Variants in MMD2 observed in about 807,000 individuals in gnomAD.
MMD2 encodes monocyte to macrophage differentiation factor 2.
In MMD2, 30 loss-of-function variants were observed where a neutral mutation model predicts 33.5. The observed-to-expected ratio is 0.90, with a 90% CI of 0.67 to 1.22. The LOEUF (loss-of-function observed/expected upper bound fraction) is 1.22. Among genes scored for constraint, MMD2 ranks in the 50% most tolerant of loss-of-function variants. The pLI, the probability that MMD2 is intolerant of heterozygous loss-of-function variation, is 0.00. For synonymous variants in MMD2, 129 were observed against 123.0 expected, an observed-to-expected ratio of 1.05 and a Z score of -0.32; for missense variants, 364 against 325.4, an observed-to-expected ratio of 1.12 and a Z score of -0.91.
intron 2 of MMD2, among the ~76,000 whole-genome samples, chr7:4,925,088 G>A (rs1785387853): frequency 6.6e-6 from 1 of 152,028 alleles, no homozygotes; most frequent in Non-Finnish European, 1.5e-5. Flanking sequence ...CCGCCACCAT[G>A]CCCAGCTAAT....
chr7:4,956,918 C>T (rs79755186), intron 1 of MMD2, among the ~76,000 whole-genome samples: 1 of 152,070 alleles, frequency 6.6e-6, no homozygotes, highest in African/African-American at 2.4e-5. Context: ...TCCAAGTGCC[C>T]ACTTTGGGAG....
rs373274320 is a variant in MMD2, at chr7:4,910,883, G to T, written c.467+262C>A. Among the ~76,000 whole-genome samples, 5 of 152,248 alleles carry T rather than the reference G, an allele frequency of 3.3e-5. No individual in the cohort carries two copies. In the South Asian group the frequency reaches 8.3e-4, roughly 25 times the overall value. ...ACCTCAAGTGATCTGCCTGCCTCGT[G>T]GATCACTCGGCCTCCCAAAGTGCTG... On this transcript the variant is annotated intron_variant, in intron 5 of 6. Transcript: ENST00000401401.
At chr7:4,922,709 G>T (rs1266024802) in intron 2 of MMD2, among the ~76,000 whole-genome samples, 4 of 151,948 alleles carry the variant, frequency 2.6e-5, no homozygotes, top group African/African-American at 9.7e-5. Context: ...TGAGTAGCTG[G>T]GACCACAGAC....
intron 2 of MMD2, among the ~76,000 whole-genome samples, chr7:4,921,941 C>G (rs1236653068): frequency 2.6e-5 from 4 of 151,578 alleles, no homozygotes; most frequent in Non-Finnish European, 5.9e-5. Context: ...AAAATCATTT[C>G]TGGCCGGGTG....
At chr7:4,948,989 C>T (rs1476119554) in intron 1 of MMD2, among the ~76,000 whole-genome samples, 1 of 151,988 alleles carries the variant, frequency 6.6e-6, no homozygotes, top group African/African-American at 2.4e-5. Context: ...TTTTTGTATT[C>T]TTTTGTACAA....
In MMD2 at chr7:4,910,028, G is replaced by A. The variant is rs1210377364; in HGVS notation, c.468-78C>T. ...ACTGCACACAGCTCCCTGTTCTTGG[G>A]GAAGAGGGAACACTCTGGCCAGAAC... On this transcript the variant is annotated intron_variant, in intron 5 of 6. Coordinates refer to ENST00000401401, the MANE Select transcript of MMD2 (RefSeq NM_198403.4). 9 of 1,613,760 alleles carry A rather than the reference G, an allele frequency of 5.6e-6. No individual in the cohort carries two copies. In the Admixed American group the frequency reaches 1.5e-4, roughly 27 times the overall value.
At position 4,940,367 on chromosome 7, in the gene MMD2, C is replaced by T. The variant is rs1324769243; in HGVS notation, c.48-14835G>A. Among the ~76,000 whole-genome samples, 1 of 152,206 alleles carries T rather than the reference C, an allele frequency of 6.6e-6. No individual in the cohort carries two copies. The highest frequency in any genetic ancestry group is 1.5e-5 in the Non-Finnish European group (1 of 68,030). ...GCCTGACCCCTTTCATGAATGAGCCCGGGCCCCGGAACGCGGCTGCAGCCA... is the reference window on the plus strand; with the variant it reads ...GCCTGACCCCTTTCATGAATGAGCCTGGGCCCCGGAACGCGGCTGCAGCCA... On this transcript the variant is annotated intron_variant, in intron 1 of 6. Transcript: ENST00000401401. The surrounding 1 kb of genome is among the most constrained non-coding windows in gnomAD (Gnocchi z 5.0).
At chr7:4,919,561 C>T (rs189750594) in intron 3 of MMD2, among the ~76,000 whole-genome samples, 2 of 151,988 alleles carry the variant, frequency 1.3e-5, no homozygotes, top group Non-Finnish European at 2.9e-5. Flanking sequence ...GATTGAGACT[C>T]TTTCTCAAAA....
chr7:4,938,099 C>T (rs575999413), intron 1 of MMD2, among the ~76,000 whole-genome samples: 25 of 144,640 alleles, frequency 1.7e-4, no homozygotes, highest in Admixed American at 9.5e-4. Context: ...GCAACCTCCA[C>T]CTCCCGGTTC....
intron 1 of MMD2, among the ~76,000 whole-genome samples, chr7:4,937,265 C>T (rs1049892662): frequency 9.2e-5 from 14 of 151,492 alleles, no homozygotes; most frequent in South Asian, 2.1e-4. Flanking sequence ...GGCACAGTGG[C>T]GCGCACCTGT....
chr7:4,895,465 C>T, the MMD2 span, among the ~76,000 whole-genome samples: 1 of 152,130 alleles, frequency 6.6e-6, no homozygotes, highest in Middle Eastern at 3.2e-3. Context: ...GAAACGGGGT[C>T]AGCGGTTTTG....
chr7:4,936,094 A>T (rs1318051613), intron 1 of MMD2, among the ~76,000 whole-genome samples: 1 of 151,594 alleles, frequency 6.6e-6, no homozygotes, highest in Non-Finnish European at 1.5e-5. Context: ...CTGAGGCAGG[A>T]AAATCACTTG....
intron 1 of MMD2, among the ~76,000 whole-genome samples, chr7:4,934,145 G>C (rs571537862): frequency 6.6e-6 from 1 of 151,844 alleles, no homozygotes; most frequent in African/African-American, 2.4e-5. Context: ...GGCCAGGCTG[G>C]TCTCAAACTC....
At chr7:4,942,716 G>A (rs1785944724) in intron 1 of MMD2, among the ~76,000 whole-genome samples, 2 of 151,556 alleles carry the variant, frequency 1.3e-5, no homozygotes, top group African/African-American at 2.4e-5. Context: ...GGGTTCAAGC[G>A]ATTCTCCTGC....
Position 4,910,036 on chromosome 7 carries a change from G to A in MMD2, c.468-86C>T, listed in dbSNP as rs1208998816. ...CAGCTCCCTGTTCTTGGGGAAGAGG[G>A]AACACTCTGGCCAGAACAGTGAGAA... On this transcript the variant is annotated intron_variant, in intron 5 of 6. Transcript: ENST00000401401. The A allele has an allele frequency of 1.9e-6, 3 of 1,613,424 alleles. No homozygotes were observed. The African/African-American group carries it at 4.0e-5, about 22-fold the overall frequency.
Position 4,917,188 on chromosome 7 carries a change from G to C in MMD2, c.291-1109C>G, listed in dbSNP as rs139512675. Among the ~76,000 whole-genome samples the C allele has an allele frequency of 7.2e-4, 109 of 150,894 alleles. 2 individuals are homozygous for C. Among genetic ancestry groups the C allele is most frequent in the Non-Finnish European group, 1.4e-3 (92 of 67,588 alleles). ...TCCAAGCTGTGGAGCCAAAAGGCCT[G>C]GGTTCGAATTCCAGCTCTACACTTC... is the stretch of plus-strand genomic sequence containing the variant. On this transcript the variant is annotated intron_variant, in intron 3 of 6. Coordinates refer to ENST00000401401, the MANE Select transcript of MMD2 (RefSeq NM_198403.4).
chr7:4,916,604 A>G (rs1562478886), intron 3 of MMD2, among the ~76,000 whole-genome samples: 2 of 151,978 alleles, frequency 1.3e-5, no homozygotes, highest in South Asian at 4.1e-4. Flanking sequence ...ACTGGTCTCA[A>G]ACTCCTGAAC....
chr7:4,911,860 C>A (rs984143873), intron 4 of MMD2, among the ~76,000 whole-genome samples: 1 of 152,064 alleles, frequency 6.6e-6, no homozygotes. Flanking sequence ...GTTGGCCAAG[C>A]TGGTCGCGAA....
chr7:4,908,216 A>T (rs1366168505), intron 6 of MMD2, among the ~76,000 whole-genome samples: 2 of 148,804 alleles, frequency 1.3e-5, no homozygotes, highest in Non-Finnish European at 3.0e-5. Context: ...ATCTCAGTTC[A>T]CTGCGACCTC....
Sources: allele counts gnomAD v4.1 joint callset (sites outside exome capture counted in the v4.1 genomes callset), GRCh38; gene constraint gnomAD v4.1.1; non-coding constraint Gnocchi (gnomAD v3.1); transcripts MANE v1.5; gene names NCBI Gene and HGNC (gene_info 2026-07-23, HGNC 2026-07-21).